CCSER1: variants seen among roughly 807,000 people sequenced by gnomAD.
CCSER1 encodes the protein serine-rich coiled-coil domain-containing protein 1.
CCSER1 carries 41 observed loss-of-function variants against 82.0 expected under a neutral mutation model. The ratio of observed to expected loss-of-function variants is 0.50; its 90% CI spans 0.39 to 0.65. CCSER1 has a LOEUF of 0.65. Ranked by LOEUF, CCSER1 falls within the 30% of genes least tolerant of loss-of-function variation. The pLI, the probability that CCSER1 is intolerant of heterozygous loss-of-function variation, is 0.00. For synonymous variants in CCSER1, 414 were observed against 383.9 expected, an observed-to-expected ratio of 1.08 and a Z score of -0.92; for missense variants, 1,119 against 1,064.2, an observed-to-expected ratio of 1.05 and a Z score of -0.72.
At chr4:90,941,524 G>A (rs1215775280) in intron 9 of CCSER1, among the ~76,000 whole-genome samples, 1 of 151,936 alleles carries the variant, frequency 6.6e-6, no homozygotes, top group Non-Finnish European at 1.5e-5. Flanking sequence ...AAAACAAAAT[G>A]CAATTTCTTT....
At chr4:90,249,164 C>T (rs549098637) in intron 1 of CCSER1, among the ~76,000 whole-genome samples, 17 of 152,220 alleles carry the variant, frequency 1.1e-4, no homozygotes, top group African/African-American at 4.1e-4. Flanking sequence ...TATAACCCAC[C>T]AGACAAGAAA....
intron 10 of CCSER1, among the ~76,000 whole-genome samples, chr4:91,300,920 A>G (rs1474743166): frequency 4.6e-5 from 7 of 151,948 alleles, no homozygotes; most frequent in African/African-American, 1.7e-4. Flanking sequence ...TTGTAAAGGT[A>G]GTTTTTAAAG....
At chr4:90,482,221 CCT>C (rs1411840319) in intron 5 of CCSER1, among the ~76,000 whole-genome samples, 1 of 151,972 alleles carries the variant, frequency 6.6e-6, no homozygotes, top group Non-Finnish European at 1.5e-5. Flanking sequence ...GGTGATATCC[CCT>C]TTTTCATTTT....
chr4:90,998,793 A>G (rs979352250), intron 9 of CCSER1, among the ~76,000 whole-genome samples: 1 of 151,600 alleles, frequency 6.6e-6, no homozygotes, highest in Non-Finnish European at 1.5e-5. Context: ...GTTATATTGC[A>G]TGATGCTGAG....
chr4:91,381,012 T>G (rs151293823), intron 10 of CCSER1, among the ~76,000 whole-genome samples: 2,984 of 152,210 alleles, frequency 0.02, 77 homozygotes, highest in African/African-American at 0.067. Context: ...ATGAAGCTTA[T>G]TTTGGCTGGT....
chr4:91,433,931 T>A (rs1754480873), intron 10 of CCSER1, among the ~76,000 whole-genome samples: 1 of 152,174 alleles, frequency 6.6e-6, no homozygotes, highest in African/African-American at 2.4e-5. Flanking sequence ...TAAGTCTACC[T>A]GGAAAGACAC....
chr4:91,296,058 C>A (rs1054692907), intron 10 of CCSER1, among the ~76,000 whole-genome samples: 12 of 151,690 alleles, frequency 7.9e-5, no homozygotes, highest in Non-Finnish European at 1.6e-4. Context: ...TCCTCAAAAT[C>A]TTAATTTGAA....
intron 5 of CCSER1, among the ~76,000 whole-genome samples, chr4:90,578,966 A>T (rs980439189): frequency 6.6e-6 from 1 of 152,188 alleles, no homozygotes. Flanking sequence ...GCAAATCATA[A>T]TCTACATATT....
intron 10 of CCSER1, among the ~76,000 whole-genome samples, chr4:91,474,588 A>G (rs1757460772): frequency 6.6e-6 from 1 of 151,364 alleles, no homozygotes; most frequent in Non-Finnish European, 1.5e-5. Context: ...ATTTGATAGT[A>G]GTTCTCATTT....
chr4:90,634,494 T>C (rs1375847538), intron 6 of CCSER1, among the ~76,000 whole-genome samples: 1 of 151,862 alleles, frequency 6.6e-6, no homozygotes, highest in African/African-American at 2.4e-5. Flanking sequence ...TACAGTGTTT[T>C]CTACTTCATC....
chr4:90,228,193 G>C (rs762612136), intron 1 of CCSER1, among the ~76,000 whole-genome samples: 1 of 152,178 alleles, frequency 6.6e-6, no homozygotes, highest in African/African-American at 2.4e-5. Context: ...CAAAAAGACC[G>C]CAGTAACCTC....
At chr4:91,187,697 G>T (rs757660107) in intron 10 of CCSER1, among the ~76,000 whole-genome samples, 1 of 152,058 alleles carries the variant, frequency 6.6e-6, no homozygotes, top group Non-Finnish European at 1.5e-5. Flanking sequence ...TGTTACAAGC[G>T]TGCTGCTACC....
intron 9 of CCSER1, among the ~76,000 whole-genome samples, chr4:90,967,183 C>T (rs765507818): frequency 6.6e-6 from 1 of 152,000 alleles, no homozygotes; most frequent in Non-Finnish European, 1.5e-5. Flanking sequence ...TGTGGTGGCT[C>T]ATGCTTGTAA....
At chr4:90,399,611 T>C (rs1752520769) in intron 3 of CCSER1, among the ~76,000 whole-genome samples, 1 of 152,080 alleles carries the variant, frequency 6.6e-6, no homozygotes, top group Non-Finnish European at 1.5e-5. Flanking sequence ...ATTTGAAAAA[T>C]GTGTATATAC....
At chr4:91,462,198 T>C (rs1483998203) in intron 10 of CCSER1, among the ~76,000 whole-genome samples, 1 of 152,176 alleles carries the variant, frequency 6.6e-6, no homozygotes, top group Admixed American at 6.6e-5. Context: ...CACCCTGAGA[T>C]TGAAAGAAAA....
chr4:90,813,467 C>T (rs1016796238), intron 7 of CCSER1, among the ~76,000 whole-genome samples: 3 of 152,196 alleles, frequency 2.0e-5, no homozygotes, highest in Non-Finnish European at 4.4e-5. Flanking sequence ...GCTGTGTCCC[C>T]ACCCAAATCT....
intron 5 of CCSER1, among the ~76,000 whole-genome samples, chr4:90,592,127 C>A (rs2148697544): frequency 6.6e-6 from 1 of 152,218 alleles, no homozygotes; most frequent in South Asian, 2.1e-4. Context: ...GTGCAGGAAA[C>A]CACCATGGCA....
intron 9 of CCSER1, among the ~76,000 whole-genome samples, chr4:90,967,373 C>T (rs1461075126): frequency 1.3e-5 from 2 of 151,774 alleles, no homozygotes; most frequent in Non-Finnish European, 2.9e-5. Flanking sequence ...CGCTTGAACC[C>T]AAGAGGTGCA....
At chr4:91,410,333 T>C (rs1752948803) in intron 10 of CCSER1, among the ~76,000 whole-genome samples, 1 of 152,122 alleles carries the variant, frequency 6.6e-6, no homozygotes, top group African/African-American at 2.4e-5. Flanking sequence ...TTACCATAGA[T>C]GAAATAACTT....
Sources: allele counts gnomAD v4.1 joint callset (sites outside exome capture counted in the v4.1 genomes callset), GRCh38; gene constraint gnomAD v4.1.1; transcripts MANE v1.5; gene names NCBI Gene and HGNC (gene_info 2026-07-23, HGNC 2026-07-21).